PLXNA4: variants seen among roughly 807,000 people sequenced by gnomAD.
PLXNA4 encodes the protein plexin A4, also known as plexin-A4.
In PLXNA4, 44 loss-of-function variants were observed where a neutral mutation model predicts 191.8. That is an observed-to-expected ratio of 0.23 (90% CI 0.18 to 0.29). The LOEUF (loss-of-function observed/expected upper bound fraction) is 0.29. Ranked by LOEUF, PLXNA4 falls within the 10% of genes least tolerant of loss-of-function variation. The pLI is 1.00. For synonymous variants in PLXNA4, 1,082 were observed against 1,009.5 expected, an observed-to-expected ratio of 1.07 and a Z score of -1.36; for missense variants, 1,800 against 2,488.8, an observed-to-expected ratio of 0.72 and a Z score of 5.89.
At chr7:132,303,943 C>A (rs549429887) in intron 3 of PLXNA4, among the ~76,000 whole-genome samples, 63 of 152,210 alleles carry the variant, frequency 4.1e-4, no homozygotes, top group Admixed American at 1.8e-3. Flanking sequence ...CAGCTCCAGG[C>A]GAGGCTAGTG....
chr7:132,174,749 T>C (rs1451274282), intron 21 of PLXNA4, 29 bp downstream of exon 21: 2 of 1,608,368 alleles, frequency 1.2e-6, no homozygotes, highest in South Asian at 2.2e-5. Flanking sequence ...TCCCCTGCTC[T>C]AATGCCAGGA....
intron 5 of PLXNA4, among the ~76,000 whole-genome samples, chr7:132,234,598 G>T (rs1466556910): frequency 7.7e-6 from 1 of 129,752 alleles, no homozygotes; most frequent in Non-Finnish European, 1.6e-5. Context: ...CATGTGTTTT[G>T]TGTGTGTGTG....
intron 3 of PLXNA4, among the ~76,000 whole-genome samples, chr7:132,426,362 A>T (rs1190105874): frequency 6.6e-6 from 1 of 152,150 alleles, no homozygotes; most frequent in Non-Finnish European, 1.5e-5. Flanking sequence ...TAGGGTAGGA[A>T]CAGGACAGTA....
chr7:132,265,597 C>T (rs1485310053), intron 4 of PLXNA4, among the ~76,000 whole-genome samples: 1 of 152,184 alleles, frequency 6.6e-6, no homozygotes, highest in Non-Finnish European at 1.5e-5. Flanking sequence ...AGCATGCAGA[C>T]AAGATCAGTG....
At chr7:132,369,082 CT>C (rs1475132942) in intron 3 of PLXNA4, among the ~76,000 whole-genome samples, 1 of 152,182 alleles carries the variant, frequency 6.6e-6, no homozygotes, top group Non-Finnish European at 1.5e-5. Context: ...ATGTGTCTGG[CT>C]GCTCAGAGCC....
intron 1 of PLXNA4, among the ~76,000 whole-genome samples, chr7:132,519,275 A>G (rs1303915506): frequency 6.6e-6 from 1 of 152,216 alleles, no homozygotes; most frequent in Non-Finnish European, 1.5e-5. Flanking sequence ...TCTCCTACCC[A>G]GTCCATGAGG....
At chr7:132,137,017 A>G (rs1795132848) in intron 30 of PLXNA4, among the ~76,000 whole-genome samples, 2 of 152,204 alleles carry the variant, frequency 1.3e-5, no homozygotes, top group African/African-American at 4.8e-5. Context: ...CTGCAAAGAA[A>G]GGGTCAAGTT....
intron 3 of PLXNA4, among the ~76,000 whole-genome samples, chr7:132,309,037 A>G (rs1801628887): frequency 6.6e-6 from 1 of 152,146 alleles, no homozygotes; most frequent in Non-Finnish European, 1.5e-5. Context: ...AAGACAATAG[A>G]GGGCAGGGAA....
intron 3 of PLXNA4, among the ~76,000 whole-genome samples, chr7:132,477,049 A>G (rs1409867337): frequency 1.3e-5 from 2 of 152,194 alleles, no homozygotes; most frequent in Non-Finnish European, 2.9e-5. Flanking sequence ...CATATCCTAT[A>G]TTTTTTGCAC....
intron 5 of PLXNA4, among the ~76,000 whole-genome samples, chr7:132,235,537 C>A (rs1798669495): frequency 6.6e-6 from 1 of 152,180 alleles, no homozygotes; most frequent in Non-Finnish European, 1.5e-5. Context: ...CAGAAGAAAT[C>A]TGGGAAGAGG....
chr7:132,319,583 T>C (rs1412250699), intron 3 of PLXNA4, among the ~76,000 whole-genome samples: 1 of 152,198 alleles, frequency 6.6e-6, no homozygotes, highest in Non-Finnish European at 1.5e-5. Flanking sequence ...TTTCCTACTC[T>C]CCAAACACAT....
chr7:132,163,248 G>A (rs372480801), intron 24 of PLXNA4, among the ~76,000 whole-genome samples: 118 of 152,330 alleles, frequency 7.7e-4, no homozygotes, highest in African/African-American at 2.7e-3. Flanking sequence ...AGTGAGCAGC[G>A]AGTGGACGCA....
At chr7:132,445,626 C>A (rs1165582198) in intron 3 of PLXNA4, among the ~76,000 whole-genome samples, 1 of 152,160 alleles carries the variant, frequency 6.6e-6, no homozygotes, top group Non-Finnish European at 1.5e-5. Flanking sequence ...CGCCAAAATT[C>A]TTTGAAAGCA....
intron 3 of PLXNA4, among the ~76,000 whole-genome samples, chr7:132,422,063 C>G (rs1427131770): frequency 6.6e-6 from 1 of 152,176 alleles, no homozygotes; most frequent in Non-Finnish European, 1.5e-5. Flanking sequence ...CACCTGTAGT[C>G]ACAGAAAAAC....
At chr7:132,521,371 A>T (rs1799176285) in intron 1 of PLXNA4, among the ~76,000 whole-genome samples, 2 of 152,124 alleles carry the variant, frequency 1.3e-5, no homozygotes, top group Non-Finnish European at 2.9e-5. Flanking sequence ...CAAGTGTAAT[A>T]TATAGTGTAC....
At chr7:132,612,480 G>A (rs1182732435) in intron 2 of PLXNA4, among the ~76,000 whole-genome samples, 1 of 151,978 alleles carries the variant, frequency 6.6e-6, no homozygotes, top group Non-Finnish European at 1.5e-5. Flanking sequence ...GGCCAACATG[G>A]TGAAACCTCC....
At chr7:132,543,918 G>A (rs1186878419) in intron 1 of PLXNA4, among the ~76,000 whole-genome samples, 1 of 152,176 alleles carries the variant, frequency 6.6e-6, no homozygotes, top group African/African-American at 2.4e-5. Context: ...CTATGGTGGT[G>A]GCAACACTAG....
At chr7:132,154,538 T>G (rs571978907) in intron 25 of PLXNA4, among the ~76,000 whole-genome samples, 11 of 152,300 alleles carry the variant, frequency 7.2e-5, no homozygotes, top group African/African-American at 2.2e-4. Context: ...TGTAAAGTGC[T>G]GTGCACTGGT....
rs550049199 is a variant in PLXNA4, at chr7:132,352,809, G to A, written c.1372-54587C>T. ...AGTGGTGAGTAGGAGGCTTAATAAC[G>A]TTTAGTGCCTTCTCCCCTTTGCTGT... On this transcript the variant is annotated intron_variant, in intron 3 of 31. Transcript: ENST00000321063. Among the ~76,000 whole-genome samples the A allele has an allele frequency of 6.6e-5, 10 of 152,162 alleles. No homozygotes were observed. In the East Asian group the frequency reaches 1.4e-3, roughly 21 times the overall value.
Sources: gnomAD v4.1 joint callset for allele counts (sites outside exome capture counted in the v4.1 genomes callset) on GRCh38, gnomAD v4.1.1 for gene constraint, MANE v1.5 for transcripts, NCBI Gene and HGNC (gene_info 2026-07-23, HGNC 2026-07-21) for gene names.